Variants in CTNNA3 observed in about 807,000 individuals in gnomAD.
CTNNA3 encodes the protein catenin alpha 3.
Under a neutral mutation model 95.7 loss-of-function variants are expected in CTNNA3, and 76 were observed. The ratio of observed to expected loss-of-function variants is 0.79; its 90% CI spans 0.66 to 0.96. The LOEUF is 0.96. Ranked by LOEUF, CTNNA3 falls within the 40% of genes least tolerant of loss-of-function variation. CTNNA3 has a pLI of 0.00. For missense variants in CTNNA3, 1,191 were observed against 1,089.8 expected (o/e 1.09, Z -1.31); for synonymous variants, 431 against 374.4 (o/e 1.15, Z -1.74).
chr10:65,927,340 C>T (rs187939896), intron 17 of CTNNA3, among the ~76,000 whole-genome samples: 75 of 152,142 alleles, frequency 4.9e-4, no homozygotes, highest in Non-Finnish European at 8.7e-4. Context: ...TTGTTTATGA[C>T]GTATAATCAA....
At chr10:67,635,228 G>A (rs962491202) in intron 2 of CTNNA3, among the ~76,000 whole-genome samples, 3 of 152,084 alleles carry the variant, frequency 2.0e-5, no homozygotes, top group Admixed American at 6.6e-5. Flanking sequence ...ATTTATAGCT[G>A]AATTCTACCA....
intron 7 of CTNNA3, among the ~76,000 whole-genome samples, chr10:66,931,088 A>G (rs951631239): frequency 3.3e-5 from 5 of 151,994 alleles, no homozygotes; most frequent in South Asian, 4.1e-4. Context: ...ATCTATTTGT[A>G]TAAGTATTTC....
intron 5 of CTNNA3, among the ~76,000 whole-genome samples, chr10:67,358,317 C>CA (rs1213102131): frequency 6.6e-6 from 1 of 152,060 alleles, no homozygotes; most frequent in Non-Finnish European, 1.5e-5. Flanking sequence ...GACACTATTA[C>CA]AAAAATGAAA....
intron 7 of CTNNA3, among the ~76,000 whole-genome samples, chr10:66,890,759 G>C (rs1845236909): frequency 6.6e-6 from 1 of 152,150 alleles, no homozygotes. Context: ...TTTTTAAGAA[G>C]AAAGATTTTG....
At position 66,038,272 on chromosome 10, in the gene CTNNA3, T is replaced by C. The variant is rs116715487; in HGVS notation, c.2159+31036A>G. 9.8e-3 allele frequency among the ~76,000 whole-genome samples: 1,492 copies of C among 152,316 alleles called. 18 individuals are homozygous for C. The highest frequency in any genetic ancestry group is 0.035 in the African/African-American group (1,437 of 41,568). ...CTTACTTGAAGTGTGTTCCTTCTGA[T>C]GGTGATGGCAACTTTCTCTGTAGGA... is the stretch of plus-strand genomic sequence containing the variant. On this transcript the variant is annotated intron_variant, in intron 15 of 17. Coordinates refer to ENST00000433211, the MANE Select transcript of CTNNA3 (RefSeq NM_013266.4).
intron 17 of CTNNA3, among the ~76,000 whole-genome samples, chr10:65,947,496 C>A (rs1338629302): frequency 6.6e-6 from 1 of 152,168 alleles, no homozygotes; most frequent in Non-Finnish European, 1.5e-5. Context: ...GGCTAAGCAA[C>A]TTACGTGTAG....
At chr10:66,126,961 G>A (rs2082854790) in intron 13 of CTNNA3, among the ~76,000 whole-genome samples, 1 of 151,900 alleles carries the variant, frequency 6.6e-6, no homozygotes, top group South Asian at 2.1e-4. Context: ...TTCTGTCCAG[G>A]GTAGAGTGTA....
At chr10:66,616,874 T>C (rs994847784) in intron 10 of CTNNA3, among the ~76,000 whole-genome samples, 6 of 151,946 alleles carry the variant, frequency 3.9e-5, no homozygotes, top group South Asian at 2.1e-4. Context: ...CTCAAAGTAA[T>C]TATACTGTCT....
chr10:67,484,771 C>T (rs1351622609), intron 5 of CTNNA3, among the ~76,000 whole-genome samples: 1 of 151,768 alleles, frequency 6.6e-6, no homozygotes, highest in South Asian at 2.1e-4. Flanking sequence ...CACAGAATGG[C>T]TATTATGAAA....
At chr10:67,628,066 GGT>G (rs1219701755) in intron 2 of CTNNA3, among the ~76,000 whole-genome samples, 1 of 150,714 alleles carries the variant, frequency 6.6e-6, no homozygotes, top group Middle Eastern at 3.3e-3. Context: ...AAATAATTAA[GGT>G]GAATGAAATA....
chr10:66,280,019 T>C (rs1055094327), intron 13 of CTNNA3, among the ~76,000 whole-genome samples: 9 of 152,004 alleles, frequency 5.9e-5, no homozygotes, highest in African/African-American at 1.9e-4. Flanking sequence ...GTGAGATTTC[T>C]TGCAGAACAC....
chr10:66,695,073 A>T (rs1336862525), intron 9 of CTNNA3, among the ~76,000 whole-genome samples: 7 of 152,218 alleles, frequency 4.6e-5, no homozygotes, highest in South Asian at 2.1e-4. Flanking sequence ...AAAGGAATTG[A>T]CCACTTTGTT....
intron 11 of CTNNA3, among the ~76,000 whole-genome samples, chr10:66,492,433 G>A (rs985752730): frequency 2.0e-5 from 3 of 147,126 alleles, no homozygotes; most frequent in Admixed American, 6.9e-5. Flanking sequence ...ACAGGCGCAC[G>A]CCACAAGGCC....
intron 7 of CTNNA3, among the ~76,000 whole-genome samples, chr10:67,105,967 C>T (rs1858612203): frequency 6.6e-6 from 1 of 152,196 alleles, no homozygotes; most frequent in African/African-American, 2.4e-5. Context: ...TCAAAACTCC[C>T]TGCCAGTTTC....
chr10:67,113,962 A>T (rs1859037416), intron 7 of CTNNA3, among the ~76,000 whole-genome samples: 2 of 152,120 alleles, frequency 1.3e-5, no homozygotes, highest in Non-Finnish European at 2.9e-5. Context: ...GCACACCTGT[A>T]GTCCCAGCTA....
intron 15 of CTNNA3, among the ~76,000 whole-genome samples, chr10:66,056,027 C>T (rs924468091): frequency 3.3e-5 from 5 of 149,476 alleles, no homozygotes; most frequent in Admixed American, 1.3e-4. Flanking sequence ...TTTCTCTTGT[C>T]TAATTGCTCT....
At chr10:67,332,590 T>G (rs1434173808) in intron 5 of CTNNA3, among the ~76,000 whole-genome samples, 1 of 152,234 alleles carries the variant, frequency 6.6e-6, no homozygotes, top group Non-Finnish European at 1.5e-5. Context: ...ACTTACCTGT[T>G]CTGTTGATGC....
chr10:66,668,483 A>G (rs549459252), intron 9 of CTNNA3, among the ~76,000 whole-genome samples: 3 of 151,820 alleles, frequency 2.0e-5, no homozygotes, highest in African/African-American at 7.3e-5. Context: ...ATATACATAC[A>G]TACACATATA....
At chr10:67,432,240 A>G (rs1386707147) in intron 5 of CTNNA3, among the ~76,000 whole-genome samples, 2 of 152,066 alleles carry the variant, frequency 1.3e-5, no homozygotes, top group African/African-American at 4.8e-5. Context: ...GAAATAATAA[A>G]GATAAAATTA....
Sources: allele counts gnomAD v4.1 joint callset (sites outside exome capture counted in the v4.1 genomes callset), GRCh38; gene constraint gnomAD v4.1.1; transcripts MANE v1.5; gene names NCBI Gene and HGNC (gene_info 2026-07-23, HGNC 2026-07-21).